The following FFAR4 variants were observed in gnomAD, a reference collection of about 807,000 sequenced individuals.
FFAR4 encodes the protein free fatty acid receptor 4.
Under a neutral mutation model 27.0 loss-of-function variants are expected in FFAR4, and 19 were observed. The ratio of observed to expected loss-of-function variants is 0.70; its 90% CI spans 0.49 to 1.03. FFAR4 has a LOEUF of 1.03. Ranked by LOEUF, FFAR4 falls within the 50% of genes least tolerant of loss-of-function variation. FFAR4 has a pLI of 0.00. For missense variants in FFAR4, 476 were observed against 479.0 expected, an observed-to-expected ratio of 0.99 and a Z score of 0.06; for synonymous variants, 254 against 215.6, an observed-to-expected ratio of 1.18 and a Z score of -1.56.
At position 93,567,284 on chromosome 10, in the gene FFAR4, C is replaced by G. The variant is rs1254773317; in HGVS notation, c.564C>G (p.Asp188Glu). 1.3e-6 allele frequency: 2 copies of G among 1,597,936 alleles called. No homozygotes were observed. The highest frequency in any genetic ancestry group is 1.7e-6 in the Non-Finnish European group (2 of 1,179,250). Residue 188 changes from aspartate (D) to glutamate (E), a missense_variant, in exon 1 of 3, where the codon GAC (aspartate) becomes GAG (glutamate). By Grantham distance (45) the Asp-to-Glu change is conservative. Transcript: ENST00000371481. The stretch of plus-strand genomic sequence containing the variant: ...TCCCGCAACGGCTCCCCGGCGCCGA[C>G]CAGGTGAGCGCCCCTCTGTGTGTGC... ...RVVPQRLPGADQEISICTLIW... is the reference protein window; with the variant it reads ...RVVPQRLPGAEQEISICTLIW...
At position 93,588,957 on chromosome 10, in the gene FFAR4, A is replaced by G. The variant is rs2058247004; in HGVS notation, c.*1348A>G. 1 of 152,292 alleles carries G rather than the reference A, an allele frequency of 6.6e-6. No individual in the cohort carries two copies. The highest frequency in any genetic ancestry group is 2.1e-4 in the South Asian group (1 of 4,830). The allele number at this position is 152,292 out of a possible 1,614,324, so 9.4% of individuals were successfully genotyped here. ...ATTTAGATCAGATGGGGAGGGGCCT[A>G]AGGAGACCTTTCTGAGGAGTGACAA... On this transcript the variant is annotated 3_prime_UTR_variant, in exon 3 of 3. Transcript: ENST00000371481.
chr10:93,587,287 T>G lies in FFAR4; in HGVS notation c.764T>G (p.Val255Gly). The change falls in exon 3 of 3, where the codon GTG becomes GGG. Residue 255 changes from valine to glycine, a missense_variant. Val to Gly is a moderately radical substitution (Grantham distance 109). Coordinates refer to ENST00000371481, the MANE Select transcript of FFAR4 (RefSeq NM_001195755.2). ...LAYSESHQIRVSQQDFRLFRT... is the reference protein window; with the variant it reads ...LAYSESHQIRGSQQDFRLFRT... ...TACTCGGAGAGCCACCAGATCCGCG[T>G]GTCCCAGCAGGACTTCCGGCTCTTC... The G allele has an allele frequency of 6.2e-7, 1 of 1,614,114 alleles. No individual in the cohort carries two copies.
At position 93,583,371 on chromosome 10, in the gene FFAR4, G is replaced by A. The variant is rs181348223; in HGVS notation, c.697-3849G>A. Among the ~76,000 whole-genome samples, 64 of 151,226 alleles carry A rather than the reference G, an allele frequency of 4.2e-4. 1 individual carries two copies. In the East Asian group the frequency reaches 0.012, roughly 29 times the overall value. On this transcript the variant is annotated intron_variant, in intron 2 of 2. Transcript: ENST00000371481. The stretch of plus-strand genomic sequence containing the variant: ...GTGGAGCTTGCAGTGAGCCGAGATG[G>A]CGCCACTGCACTTCAGCCTGGGTGA...
chr10:93,569,085 C>A (rs2058117242), intron 1 of FFAR4, among the ~76,000 whole-genome samples: 1 of 152,136 alleles, frequency 6.6e-6, no homozygotes, highest in South Asian at 2.1e-4. Flanking sequence ...TGGGCTTCTG[C>A]CATCAGTTTC....
At chr10:93,576,531 A>G (rs965474931) in intron 2 of FFAR4, among the ~76,000 whole-genome samples, 1 of 152,106 alleles carries the variant, frequency 6.6e-6, no homozygotes, top group African/African-American at 2.4e-5. Flanking sequence ...TTCAAGATGT[A>G]TTTTTTCAGG....
chr10:93,567,148 TGCAGC>T lies in FFAR4; in HGVS notation c.431_435del (p.Gln144ArgfsTer168). On this transcript the variant is annotated frameshift_variant, in exon 1 of 3. Transcript: ENST00000371481. LOFTEE classifies it high-confidence loss of function. The stretch of plus-strand genomic sequence containing the variant: ...GAGCGCATGGTGTGCATCGTGCACC[TGCAGC>T]GCGGCGTGCGGGGTCCTGGGCGGCG... The T allele has an allele frequency of 6.2e-7, 1 of 1,606,230 alleles. No individual in the cohort carries two copies. The highest frequency in any genetic ancestry group is 8.5e-7 in the Non-Finnish European group (1 of 1,178,444).
intron 1 of FFAR4, among the ~76,000 whole-genome samples, chr10:93,569,822 G>T (rs1403329917): frequency 6.6e-6 from 1 of 151,822 alleles, no homozygotes; most frequent in African/African-American, 2.4e-5. Flanking sequence ...ACTTTGGGAG[G>T]CTGAGGTGGG....
In FFAR4 at chr10:93,567,097, T is replaced by A; in HGVS notation, c.377T>A (p.Ile126Asn). 1 of 1,609,570 alleles carries A rather than the reference T, an allele frequency of 6.2e-7. No homozygotes were observed. The change falls in exon 1 of 3, where the codon ATC becomes AAC. Residue 126 changes from isoleucine to asparagine, a missense_variant. Physicochemically the swap from Ile to Asn is moderately radical, Grantham distance 149. Transcript: ENST00000371481. Reference sequence around the variant, plus strand: ...ATGACCCTGAGCGGCAGCGTCACCATCCTCACGCTGGCCGCGGTCAGCCTG... The same window carrying A: ...ATGACCCTGAGCGGCAGCGTCACCAACCTCACGCTGGCCGCGGTCAGCCTG... ...YVMTLSGSVT[I>N]LTLAAVSLER...
chr10:93,585,460 A>G (rs754523982), intron 2 of FFAR4, among the ~76,000 whole-genome samples: 1 of 152,214 alleles, frequency 6.6e-6, no homozygotes. Flanking sequence ...GGCACCTTTA[A>G]TGACACCTAT....
chr10:93,574,133 T>C (rs1450267811), intron 1 of FFAR4, among the ~76,000 whole-genome samples: 1 of 152,108 alleles, frequency 6.6e-6, no homozygotes, highest in Non-Finnish European at 1.5e-5. Flanking sequence ...CATATACTCA[T>C]TCACACATAT....
chr10:93,581,920 T>C (rs2134552931), intron 2 of FFAR4, among the ~76,000 whole-genome samples: 2 of 152,300 alleles, frequency 1.3e-5, no homozygotes, highest in South Asian at 4.1e-4. Context: ...TACTTGACTG[T>C]GAGGCTCAAG....
chr10:93,580,151 C>T (rs2058189459), intron 2 of FFAR4, among the ~76,000 whole-genome samples: 1 of 152,130 alleles, frequency 6.6e-6, no homozygotes, highest in Non-Finnish European at 1.5e-5. Flanking sequence ...GCATCTCCTC[C>T]CCTGTGAAGA....
At chr10:93,569,840 C>T (rs76941009) in intron 1 of FFAR4, among the ~76,000 whole-genome samples, 1 of 151,848 alleles carries the variant, frequency 6.6e-6, no homozygotes, top group South Asian at 2.1e-4. Flanking sequence ...GGGCGGATCA[C>T]TTGAGGTCAG....
intron 2 of FFAR4, among the ~76,000 whole-genome samples, chr10:93,583,864 T>C (rs1488315553): frequency 6.6e-6 from 1 of 152,226 alleles, no homozygotes; most frequent in African/African-American, 2.4e-5. Context: ...AATGTGAGCC[T>C]TCATCAACAT....
At chr10:93,579,115 T>C in intron 2 of FFAR4, 1 of 1,588,018 alleles carries the variant, frequency 6.3e-7, no homozygotes, top group Non-Finnish European at 8.6e-7. Context: ...TCGAAGCACC[T>C]TGTGTCTAAA....
chr10:93,574,447 T>C (rs2058150711), intron 1 of FFAR4, among the ~76,000 whole-genome samples: 1 of 152,190 alleles, frequency 6.6e-6, no homozygotes, highest in Admixed American at 6.5e-5. Context: ...CGATTGATGC[T>C]TCAGCATACC....
At chr10:93,584,353 T>A (rs2058215539) in intron 2 of FFAR4, among the ~76,000 whole-genome samples, 1 of 152,232 alleles carries the variant, frequency 6.6e-6, no homozygotes, top group South Asian at 2.1e-4. Flanking sequence ...CCCACTGAGC[T>A]AGATTTTCAG....
chr10:93,567,633 A>G (rs1040911671), intron 1 of FFAR4, among the ~76,000 whole-genome samples: 1 of 152,194 alleles, frequency 6.6e-6, no homozygotes, highest in Non-Finnish European at 1.5e-5. Flanking sequence ...GCCAGGTGCT[A>G]CAATACTGTT....
chr10:93,568,822 G>A (rs900095056), intron 1 of FFAR4, among the ~76,000 whole-genome samples: 1 of 152,108 alleles, frequency 6.6e-6, no homozygotes, highest in African/African-American at 2.4e-5. Flanking sequence ...GTGTTTGTTT[G>A]TTTATGAGCT....
Sources: gnomAD v4.1 joint callset for allele counts (sites outside exome capture counted in the v4.1 genomes callset) on GRCh38, gnomAD v4.1.1 for gene constraint, MANE v1.5 for transcripts, NCBI Gene and HGNC (gene_info 2026-07-23, HGNC 2026-07-21) for gene names.